MTX2: variants seen among roughly 807,000 people sequenced by gnomAD.
MTX2 encodes metaxin-2.
A neutral mutation model predicts 42.3 loss-of-function variants in MTX2; 35 were observed. The observed-to-expected ratio is 0.83, with a 90% CI of 0.63 to 1.10. MTX2 has a LOEUF of 1.10. Among genes scored for constraint, MTX2 ranks in the 50% least tolerant of loss-of-function variants. The pLI, the probability that MTX2 is intolerant of heterozygous loss-of-function variation, is 0.00. For missense variants in MTX2, 307 were observed against 304.1 expected, an observed-to-expected ratio of 1.01 and a Z score of -0.07; for synonymous variants, 119 against 100.9, an observed-to-expected ratio of 1.18 and a Z score of -1.08.
intron 4 of MTX2, 27 bp from the exon 5 acceptor site, chr2:176,326,798 A>G (rs774495740): frequency 1.4e-6 from 2 of 1,400,184 alleles, no homozygotes; most frequent in South Asian, 1.3e-5. Flanking sequence ...AAGTATTTTT[A>G]TAAATACTTT....
At chr2:176,300,526 G>A (rs1683997367) in intron 3 of MTX2, among the ~76,000 whole-genome samples, 1 of 151,950 alleles carries the variant, frequency 6.6e-6, no homozygotes, top group African/African-American at 2.4e-5. Context: ...GATTTCAAAT[G>A]CCCACTAGTC....
At chr2:176,334,080 A>G (rs1021931372) in intron 9 of MTX2, among the ~76,000 whole-genome samples, 2 of 151,772 alleles carry the variant, frequency 1.3e-5, no homozygotes, top group African/African-American at 4.8e-5. Context: ...ATGTAAAATC[A>G]GATCAGTTTT....
At chr2:176,297,810 C>T in intron 2 of MTX2, 39 bp from the exon 3 acceptor site, 1 of 1,397,056 alleles carries the variant, frequency 7.2e-7, no homozygotes, top group Non-Finnish European at 9.8e-7. Flanking sequence ...ATACTATATT[C>T]TACTTGGTTA....
intron 1 of MTX2, among the ~76,000 whole-genome samples, chr2:176,274,215 C>G (rs1230409024): frequency 6.6e-6 from 1 of 151,896 alleles, no homozygotes; most frequent in African/African-American, 2.4e-5. Context: ...TAAAAATTAC[C>G]TGAAATCATA....
intron 4 of MTX2, 30 bp downstream of exon 4, chr2:176,323,494 A>T (rs1558942258): frequency 3.2e-6 from 5 of 1,573,052 alleles, no homozygotes; most frequent in Non-Finnish European, 4.4e-6. Flanking sequence ...TTCTCTGTTA[A>T]TATTATGGAG....
intron 9 of MTX2, among the ~76,000 whole-genome samples, chr2:176,335,942 C>G (rs1684978181): frequency 6.6e-6 from 1 of 152,004 alleles, no homozygotes; most frequent in Non-Finnish European, 1.5e-5. Flanking sequence ...TCAGTGGCAT[C>G]AAGATGGTAT....
chr2:176,308,987 G>T (rs905386952), intron 3 of MTX2, among the ~76,000 whole-genome samples: 7 of 152,106 alleles, frequency 4.6e-5, no homozygotes, highest in Non-Finnish European at 8.8e-5. Context: ...TGATGTTAGG[G>T]TGTCGATTTT....
chr2:176,337,826 A>C lies in MTX2; in HGVS notation c.*162A>C. On this transcript the variant is annotated 3_prime_UTR_variant, in exon 10 of 10. Transcript: ENST00000249442. ...GTGCTTTATATTGTTATTTGTGTATACATTAAAATAATTCTGAATTATTTA... is the reference window on the plus strand; with the variant it reads ...GTGCTTTATATTGTTATTTGTGTATCCATTAAAATAATTCTGAATTATTTA... 1.9e-6 allele frequency: 1 copy of C among 521,428 alleles called. No individual in the cohort carries two copies. Among genetic ancestry groups the C allele is most frequent in the Non-Finnish European group, 3.1e-6 (1 of 318,936 alleles). 32.3% of individuals were successfully genotyped at this position (521,428 alleles called of 1,614,324 possible). A position where few individuals can be genotyped will look rare whatever the true frequency, so the allele number is the denominator to read the frequency against.
At chr2:176,312,817 T>C (rs1684346417) in intron 3 of MTX2, among the ~76,000 whole-genome samples, 1 of 140,448 alleles carries the variant, frequency 7.1e-6, no homozygotes, top group Non-Finnish European at 1.5e-5. Flanking sequence ...GAGCCGAGAT[T>C]GCATCATTGC....
rs555929823 is a variant in MTX2 at position 176,325,546 on chromosome 2, C to T, written c.209-1279C>T. On this transcript the variant is annotated intron_variant, in intron 4 of 9. Coordinates refer to ENST00000249442, the MANE Select transcript of MTX2 (RefSeq NM_006554.5). Reference sequence around the variant, plus strand: ...TTAAGAAAAGAAAAAAAATACAAACCCTTTTTTCCAAGAACCTGAAACTGG... The same window carrying T: ...TTAAGAAAAGAAAAAAAATACAAACTCTTTTTTCCAAGAACCTGAAACTGG... Among the ~76,000 whole-genome samples, 8 of 151,664 alleles carry T rather than the reference C, an allele frequency of 5.3e-5. No individual in the cohort carries two copies. In the South Asian group the frequency reaches 8.3e-4, roughly 16 times the overall value.
chr2:176,291,159 T>A (rs1693320333), intron 1 of MTX2, among the ~76,000 whole-genome samples: 1 of 152,200 alleles, frequency 6.6e-6, no homozygotes, highest in African/African-American at 2.4e-5. Context: ...AAAGTAGAGT[T>A]AAAAAAGATA....
intron 1 of MTX2, among the ~76,000 whole-genome samples, chr2:176,278,640 A>G (rs1000746894): frequency 1.3e-5 from 2 of 152,180 alleles, no homozygotes; most frequent in African/African-American, 4.8e-5. Context: ...GTGAAAATTG[A>G]AAGAAAACGC....
At chr2:176,315,969 A>G (rs752390147) in intron 3 of MTX2, among the ~76,000 whole-genome samples, 25 of 152,014 alleles carry the variant, frequency 1.6e-4, no homozygotes, top group Non-Finnish European at 3.4e-4. Flanking sequence ...TACCATGCAT[A>G]TTTTCTGGTT....
In MTX2 at chr2:176,269,507, G is replaced by A; in HGVS notation, c.-123G>A. Reference sequence around the variant, plus strand: ...GCAGCCGCCGCTGCTGTTGGAGTGGGCTTTGCGAGTCTGAACGTTGGCGGG... The same window carrying A: ...GCAGCCGCCGCTGCTGTTGGAGTGGACTTTGCGAGTCTGAACGTTGGCGGG... On this transcript the variant is annotated 5_prime_UTR_variant, in exon 1 of 10. Transcript: ENST00000249442. 9.0e-7 allele frequency: 1 copy of A among 1,112,650 alleles called. No homozygotes were observed. Among genetic ancestry groups the A allele is most frequent in the Non-Finnish European group, 1.2e-6 (1 of 809,456 alleles). The allele number at this position is 1,112,650 out of a possible 1,614,324, so 68.9% of individuals were successfully genotyped here. A position where few individuals can be genotyped will look rare whatever the true frequency, so the allele number is the denominator to read the frequency against.
intron 4 of MTX2, among the ~76,000 whole-genome samples, chr2:176,325,148 A>G (rs1684679218): frequency 6.6e-6 from 1 of 151,758 alleles, no homozygotes; most frequent in African/African-American, 2.4e-5. Flanking sequence ...ATGACATCCA[A>G]GGTCCTATTT....
At chr2:176,298,012 T>C (rs1449585425) in intron 3 of MTX2, 117 bp downstream of exon 3, 2 of 584,228 alleles carry the variant, frequency 3.4e-6, no homozygotes, top group Non-Finnish European at 5.5e-6. Flanking sequence ...TAGATTTTTT[T>C]CTGTGTGATT....
intron 1 of MTX2, chr2:176,270,082 G>T: frequency 3.1e-6 from 1 of 325,890 alleles, no homozygotes; most frequent in Non-Finnish European, 5.7e-6. Flanking sequence ...TCACTAATCA[G>T]TTGTTACCTA....
At chr2:176,271,781 C>T (rs1034715620) in intron 1 of MTX2, among the ~76,000 whole-genome samples, 1 of 152,104 alleles carries the variant, frequency 6.6e-6, no homozygotes, top group Non-Finnish European at 1.5e-5. Context: ...ATGTAAAGAC[C>T]AGTACTTAAA....
intron 3 of MTX2, among the ~76,000 whole-genome samples, chr2:176,317,669 A>T (rs78424709): frequency 6.6e-6 from 1 of 152,052 alleles, no homozygotes; most frequent in Non-Finnish European, 1.5e-5. Flanking sequence ...GATATCCTGG[A>T]GTGATATCCT....
Sources: allele counts gnomAD v4.1 joint callset (sites outside exome capture counted in the v4.1 genomes callset), GRCh38; gene constraint gnomAD v4.1.1; transcripts MANE v1.5; gene names NCBI Gene and HGNC (gene_info 2026-07-23, HGNC 2026-07-21).